The following CYP2D6 variants were observed in gnomAD, a reference collection of about 807,000 sequenced individuals.
The protein encoded by CYP2D6 is cytochrome P450 family 2 subfamily D member 6 (gene/pseudogene), also known as cytochrome P450 2D6.
CYP2D6 carries 51 observed loss-of-function variants against 43.5 expected under a neutral mutation model. That is an observed-to-expected ratio of 1.17 (90% CI 0.94 to 1.48). CYP2D6 has a LOEUF of 1.48. CYP2D6 is among the 40% of genes most tolerant of loss of function. The pLI, the probability that CYP2D6 is intolerant of heterozygous loss-of-function variation, is 0.00. For missense variants in CYP2D6, 698 were observed against 688.0 expected (o/e 1.01, Z -0.16); for synonymous variants, 346 against 297.1 (o/e 1.16, Z -1.69).
At chr22:42,128,551 T>C (rs1931378353) in intron 4 of CYP2D6, among the ~76,000 whole-genome samples, 1 of 150,780 alleles carries the variant, frequency 6.6e-6, no homozygotes, top group Admixed American at 6.6e-5. Flanking sequence ...CTGACGTGGA[T>C]AGGAGGTACA....
At position 42,130,781 on chromosome 22, in the gene CYP2D6, T is replaced by G; in HGVS notation, c.11A>C (p.Glu4Ala). The change falls in exon 1 of 9, where the codon GAA becomes GCA. Residue 4 changes from glutamate to alanine, a missense_variant. Transcript: ENST00000645361. MGL[E>A]ALVPLAVIVA... ...TATCACGGCCAGGGGCACCAGTGCT[T>G]CTAGCCCCATACCTGCCTCACTACC... 17 of 1,572,212 alleles carry G rather than the reference T, an allele frequency of 1.1e-5. No individual in the cohort carries two copies. The highest frequency in any genetic ancestry group is 1.5e-5 in the Non-Finnish European group (17 of 1,157,706).
In CYP2D6 at chr22:42,128,188, C is replaced by T. The variant is rs1333309565; in HGVS notation, c.829G>A (p.Ala277Thr). ...PPRDLTEAFL[A>T]EMEKAKGNPE... ...GCCACTCTCACCTTCTCCATCTCTG[C>T]CAGGAAGGCCTCAGTCAGGTCTCGG... The change falls in exon 5 of 9, where the codon GCA becomes ACA. Residue 277 changes from alanine to threonine, a missense_variant. Transcript: ENST00000645361. 1 of 1,607,386 alleles carries T rather than the reference C, an allele frequency of 6.2e-7. No individual in the cohort carries two copies. The highest frequency in any genetic ancestry group is 1.4e-5 in the African/African-American group (1 of 73,862).
rs2146945211 is a variant in CYP2D6, at chr22:42,130,788, C to G, written c.4G>C (p.Gly2Arg). 6.4e-7 allele frequency: 1 copy of G among 1,566,896 alleles called. No individual in the cohort carries two copies. The highest frequency in any genetic ancestry group is 8.7e-7 in the Non-Finnish European group (1 of 1,154,818). The change falls in exon 1 of 9, where the codon GGG (glycine) becomes CGG (arginine). Residue 2 changes from glycine to arginine, a missense_variant. Coordinates refer to ENST00000645361, the MANE Select transcript of CYP2D6 (RefSeq NM_000106.6). ...GCCAGGGGCACCAGTGCTTCTAGCC[C>G]CATACCTGCCTCACTACCAAATGGG... M[G>R]LEALVPLAVI...
At chr22:42,127,365 G>C (rs1483955943) in intron 7 of CYP2D6, 82 bp downstream of exon 7, 26 of 1,329,206 alleles carry the variant, frequency 2.0e-5, no homozygotes, top group East Asian at 1.2e-4. Flanking sequence ...GGTTCCTAGA[G>C]TGGGCCCACC....
chr22:42,128,916 C>G lies in CYP2D6; in HGVS notation c.534G>C (p.Leu178Phe), dbSNP rs754226748. ...SGRPFRPNGL[L>F]DKAVSNVIAS... ...CGATCACGTTGCTCACGGCTTTGTC[C>G]AAGAGACCGTTGGGGCGAAAGGGGC... is the stretch of plus-strand genomic sequence containing the variant. The change falls in exon 4 of 9, where the codon TTG becomes TTC. Residue 178 changes from leucine to phenylalanine, a missense_variant. Physicochemically the swap from Leu to Phe is conservative, Grantham distance 22 (BLOSUM62 0). Transcript: ENST00000645361. The G allele has an allele frequency of 6.3e-7, 1 of 1,593,910 alleles. No homozygotes were observed. The highest frequency in any genetic ancestry group is 1.8e-5 in the Admixed American group (1 of 56,552).
At chr22:42,130,367 T>C (rs1931892423) in intron 1 of CYP2D6, 2 of 596,678 alleles carry the variant, frequency 3.4e-6, no homozygotes, top group Non-Finnish European at 3.0e-6. Flanking sequence ...TGTTGCCCAA[T>C]GGGCTTGCAT....
In CYP2D6 at chr22:42,127,110, C is replaced by G. The variant is rs1185887472; in HGVS notation, c.1174-118G>C. 4.6e-6 allele frequency: 6 copies of G among 1,318,026 alleles called. No individual in the cohort carries two copies. In the African/African-American group the frequency reaches 6.0e-5, roughly 13 times the overall value. The allele number at this position is 1,318,026 out of a possible 1,614,324, so 81.6% of individuals were successfully genotyped here. On this transcript the variant is annotated intron_variant, in intron 7 of 8. Transcript: ENST00000645361. ...ACACAGCTGGACTCTGTCAACTAGT[C>G]CTGCGCCCGAGAAGCTCCACAGTAC... is the stretch of plus-strand genomic sequence containing the variant.
rs202061073 is a variant in CYP2D6 at position 42,130,786 on chromosome 22, C to G, written c.6G>C (p.Gly2=). 2.7e-5 allele frequency: 43 copies of G among 1,568,846 alleles called. 3 individuals carry two copies. The African/African-American group carries it at 4.0e-4, about 14-fold the overall frequency. ...CGGCCAGGGGCACCAGTGCTTCTAG[C>G]CCCATACCTGCCTCACTACCAAATG... M[G]LEALVPLAVI... The change falls in exon 1 of 9, where the codon GGG becomes GGC. Residue 2 remains glycine, a synonymous_variant. Coordinates refer to ENST00000645361, the MANE Select transcript of CYP2D6 (RefSeq NM_000106.6).
intron 2 of CYP2D6, 194 bp from the exon 3 acceptor site, chr22:42,129,379 AC>A (rs1931632373): frequency 1.1e-6 from 1 of 870,022 alleles, no homozygotes; most frequent in South Asian, 1.4e-5. Flanking sequence ...GTCTCTGCCC[AC>A]CCTGACCGCC....
In CYP2D6 at chr22:42,128,291, G is replaced by C. The variant is rs772053385; in HGVS notation, c.726C>G (p.Arg242=). 59 of 1,610,586 alleles carry C rather than the reference G, an allele frequency of 3.7e-5. 4 individuals are homozygous for C. The highest frequency in any genetic ancestry group is 4.8e-5 in the Non-Finnish European group (56 of 1,177,978). ...HIPALAGKVL[R]FQKAFLTQLD... ...GCTGGGTCAGGAAAGCCTTTTGGAA[G>C]CGTAGGACCTTGCCAGCCAGCGCTG... Residue 242 remains arginine, a synonymous_variant, in exon 5 of 9, where the codon CGC becomes CGG. Coordinates refer to ENST00000645361, the MANE Select transcript of CYP2D6 (RefSeq NM_000106.6).
Position 42,129,430 on chromosome 22 carries a change from A to G in CYP2D6, c.353-245T>C, listed in dbSNP as rs1368936023. 2.6e-6 allele frequency: 2 copies of G among 758,394 alleles called. No individual in the cohort carries two copies. The highest frequency in any genetic ancestry group is 3.0e-5 in the South Asian group (2 of 67,456). The allele number at this position is 758,394 out of a possible 1,614,324, so 47.0% of individuals were successfully genotyped here. On this transcript the variant is annotated intron_variant, in intron 2 of 8. Transcript: ENST00000645361. ...AGACCCCGCGGGCCCCGCGCCACCC[A>G]CACTGAGCTTACAGCACAGGTGCGG...
chr22:42,129,860 G>A lies in CYP2D6; in HGVS notation c.230C>T (p.Pro77Leu), dbSNP rs760317684. ...CGCCAGCCCATTGAGCACGACCACC[G>A]GCGTCCAGGCCAGCTGCAGGCTGAA... is the stretch of plus-strand genomic sequence containing the variant. ...DVFSLQLAWTPVVVLNGLAAV... is the reference protein window; with the variant it reads ...DVFSLQLAWTLVVVLNGLAAV... The change falls in exon 2 of 9, where the codon CCG (proline) becomes CTG (leucine). Residue 77 changes from proline (P) to leucine (L), a missense_variant. Coordinates refer to ENST00000645361, the MANE Select transcript of CYP2D6 (RefSeq NM_000106.6). The A allele has an allele frequency of 2.5e-5, 40 of 1,596,178 alleles. 3 individuals carry two copies. Among genetic ancestry groups the A allele is most frequent in the African/African-American group, 5.4e-5 (4 of 73,566 alleles).
At position 42,126,978 on chromosome 22, in the gene CYP2D6, G is replaced by T. The variant is rs1931018019; in HGVS notation, c.1188C>A (p.Ile396=). 1.2e-6 allele frequency: 2 copies of T among 1,607,748 alleles called. 1 individual carries two copies. Among genetic ancestry groups the T allele is most frequent in the Non-Finnish European group, 1.7e-6 (2 of 1,176,822 alleles). ...GFRIPKGTTL[I]TNLSSVLKDE... ...CCTTCAGCACCGATGACAGGTTGGT[G>T]ATGAGTGTCGTTCCCTGGGCAGGAG... is the stretch of plus-strand genomic sequence containing the variant. The change falls in exon 8 of 9, where the codon ATC becomes ATA. Residue 396 remains isoleucine (I), a synonymous_variant. Transcript: ENST00000645361.
chr22:42,128,448 C>A (rs1013006127), intron 4 of CYP2D6, 98 bp from the exon 5 acceptor site: 2 of 1,372,126 alleles, frequency 1.5e-6, no homozygotes, highest in Non-Finnish European at 2.1e-6. Context: ...CCAGGGCCTG[C>A]CTGTCCTTAC....
chr22:42,129,390 C>T, intron 2 of CYP2D6: 1 of 845,134 alleles, frequency 1.2e-6, no homozygotes, highest in Non-Finnish European at 1.9e-6. Context: ...CCCTGACCGC[C>T]TTTGCACTCA....
chr22:42,128,335 G>T lies in CYP2D6; in HGVS notation c.682C>A (p.Pro228Thr). 1 of 1,610,324 alleles carries T rather than the reference G, an allele frequency of 6.2e-7. No homozygotes were observed. The highest frequency in any genetic ancestry group is 2.2e-5 in the East Asian group (1 of 44,722). The change falls in exon 5 of 9, where the codon CCC (proline) becomes ACC (threonine). Residue 228 changes from proline to threonine, a missense_variant. This residue lies in a region of CYP2D6 where 588 missense variants were observed against 521.1 expected (regional missense o/e 1.13). Coordinates refer to ENST00000645361, the MANE Select transcript of CYP2D6 (RefSeq NM_000106.6). Reference sequence around the variant, plus strand: ...AGCGCTGGGATATGCAGGAGGACGGGGACAGCATTCAGCACCTACACCAGA... The same window carrying T: ...AGCGCTGGGATATGCAGGAGGACGGTGACAGCATTCAGCACCTACACCAGA... Reference protein sequence around the residue: ...GFLREVLNAVPVLLHIPALAG... With the variant: ...GFLREVLNAVTVLLHIPALAG...
rs771263462 is a variant in CYP2D6 at position 42,127,462 on chromosome 22, G to A, written c.1158C>T (p.Gly386=). The part of the protein sequence containing the change: ...HMTSRDIEVQ[G]FRIPKGTTLI... ...CCAGGCCTACCTTAGGGATGCGGAA[G>A]CCCTGTACTTCGATGTCACGGGATG... The change falls in exon 7 of 9, where the codon GGC becomes GGT. Residue 386 remains glycine (G), a synonymous_variant. Transcript: ENST00000645361. The A allele has an allele frequency of 2.5e-6, 4 of 1,609,628 alleles. No homozygotes were observed. Among genetic ancestry groups the A allele is most frequent in the South Asian group, 1.1e-5 (1 of 90,894 alleles).
chr22:42,126,667 C>T lies in CYP2D6; in HGVS notation c.1401G>A (p.Ser467=), dbSNP rs1135832. 3.7e-5 allele frequency: 59 copies of T among 1,606,208 alleles called. 1 individual carries two copies. Among genetic ancestry groups the T allele is most frequent in the Non-Finnish European group, 4.6e-5 (54 of 1,176,594 alleles). ...FTSLLQHFSF[S]VPTGQPRPSH... ...TGGGCCGGGGCTGTCCAGTGGGCAC[C>T]GAGAAGCTGAAGTGCTGCAGCAGGG... Residue 467 remains serine (S), a synonymous_variant, in exon 9 of 9, where the codon TCG becomes TCA. Coordinates refer to ENST00000645361, the MANE Select transcript of CYP2D6 (RefSeq NM_000106.6).
Position 42,129,174 on chromosome 22 carries a change from C to A in CYP2D6, c.364G>T (p.Ala122Ser), listed in dbSNP as rs1135823. 357 of 1,604,708 alleles carry A rather than the reference C, an allele frequency of 2.2e-4. 7 individuals are homozygous for A. The Admixed American group carries it at 3.4e-3, about 15-fold the overall frequency. ...FGPRSQGVFL[A>S]RYGPAWREQR... The stretch of plus-strand genomic sequence containing the variant: ...TCGCGCCACGCGGGCCCATAGCGCG[C>A]CAGGAACACCCCTGGGGGTGGGACG... The change falls in exon 3 of 9, where the codon GCG becomes TCG. Residue 122 changes from alanine (A) to serine (S), a missense_variant. Ala to Ser is a moderately conservative substitution (Grantham distance 99). Around this residue, in one of 5 missense-constraint regions of CYP2D6, gnomAD observed 588 missense variants for 521.1 expected, o/e 1.13. Transcript: ENST00000645361.
Sources: allele counts gnomAD v4.1 joint callset (sites outside exome capture counted in the v4.1 genomes callset), GRCh38; gene constraint gnomAD v4.1.1; regional missense constraint gnomAD v4.1.1; transcripts MANE v1.5; gene names NCBI Gene and HGNC (gene_info 2026-07-23, HGNC 2026-07-21).